MGRN1: variants seen among roughly 807,000 people sequenced by gnomAD.
MGRN1 encodes the protein mahogunin ring finger 1.
In MGRN1, 29 loss-of-function variants were observed where a neutral mutation model predicts 69.2. The ratio of observed to expected loss-of-function variants is 0.42; its 90% confidence interval spans 0.31 to 0.57. The LOEUF (loss-of-function observed/expected upper bound fraction) is 0.57. Among genes scored for constraint, MGRN1 ranks in the 20% least tolerant of loss-of-function variants. MGRN1 has a pLI of 0.15. For synonymous variants in MGRN1, 470 were observed against 344.2 expected (o/e 1.37, Z -4.04); for missense variants, 998 against 796.2 (o/e 1.25, Z -3.05).
intron 11 of MGRN1, 90 bp downstream of exon 11, chr16:4,677,662 C>T: frequency 4.0e-6 from 5 of 1,245,136 alleles, no homozygotes; most frequent in Admixed American, 3.9e-5. Context: ...AGCCAGCAGC[C>T]CCGTGTTCTC....
Position 4,677,534 on chromosome 16 carries a change from C to T in MGRN1, c.1027C>T (p.Pro343Ser), listed in dbSNP as rs889903311. 2.5e-6 allele frequency: 4 copies of T among 1,599,682 alleles called. No individual in the cohort carries two copies. The Admixed American group carries it at 5.0e-5, about 20-fold the overall frequency. ...AGCCCTGTCCCCCGTGTCCTTCAGC[C>T]CCGTCCTGGCCCAGAGCCTGGAGCA... ...PGALSPVSFS[P>S]VLAQSLEHDE... is the part of the protein sequence containing the mutation. Residue 343 changes from proline to serine, a missense_variant, in exon 11 of 17, where the codon CCC becomes TCC. Transcript: ENST00000262370.
chr16:4,670,810 C>G (rs2141944868), intron 8 of MGRN1, among the ~76,000 whole-genome samples: 1 of 152,364 alleles, frequency 6.6e-6, no homozygotes, highest in Non-Finnish European at 1.5e-5. Flanking sequence ...GTTGAGAGAG[C>G]TGACCAGCAG....
intron 5 of MGRN1, among the ~76,000 whole-genome samples, chr16:4,661,143 ATTTT>A (rs112367751): frequency 2.1e-5 from 3 of 145,008 alleles, no homozygotes; most frequent in African/African-American, 5.1e-5. Context: ...CTACTGGCTG[ATTTT>A]TTTTTTTTTT....
At chr16:4,661,431 G>C (rs992835120) in intron 5 of MGRN1, among the ~76,000 whole-genome samples, 1 of 152,228 alleles carries the variant, frequency 6.6e-6, no homozygotes, top group Non-Finnish European at 1.5e-5. Context: ...TGGACACACA[G>C]GGCTTCAGGG....
intron 1 of MGRN1, among the ~76,000 whole-genome samples, chr16:4,637,313 C>T (rs1321077705): frequency 6.6e-6 from 1 of 151,642 alleles, no homozygotes; most frequent in African/African-American, 2.4e-5. Context: ...GCCTGTAATC[C>T]TAGCTCCTGG....
rs571878270 is a variant in MGRN1 at position 4,664,499 on chromosome 16, G to A, written c.562-210G>A. The stretch of plus-strand genomic sequence containing the variant: ...AACGCTGTTGAAACGTAGTTAAAAT[G>A]GCAGATTTTGTGTTGTATCTGTTTT... On this transcript the variant is annotated intron_variant, in intron 5 of 16. Coordinates refer to ENST00000262370, the MANE Select transcript of MGRN1 (RefSeq NM_015246.4). 1.8e-5 allele frequency: 11 copies of A among 597,206 alleles called. 1 individual carries two copies. Among genetic ancestry groups the A allele is most frequent in the South Asian group, 1.8e-4 (9 of 49,658 alleles). 37.0% of individuals were successfully genotyped at this position (597,206 alleles called of 1,614,324 possible). A position where few individuals can be genotyped will look rare whatever the true frequency, so the allele number is the denominator to read the frequency against.
intron 9 of MGRN1, 140 bp from the exon 10 acceptor site, chr16:4,673,358 T>TC: frequency 8.7e-7 from 1 of 1,146,912 alleles, no homozygotes; most frequent in Non-Finnish European, 1.2e-6. Context: ...TGGGGCAACC[T>TC]CCCCCTCCCC....
At chr16:4,661,844 T>G (rs545951369) in intron 5 of MGRN1, among the ~76,000 whole-genome samples, 12 of 152,374 alleles carry the variant, frequency 7.9e-5, no homozygotes, top group African/African-American at 2.6e-4. Context: ...GTTCAGCAGA[T>G]GGCTGCCTGC....
At chr16:4,646,678 G>A (rs1404916832) in intron 1 of MGRN1, among the ~76,000 whole-genome samples, 10 of 152,204 alleles carry the variant, frequency 6.6e-5, no homozygotes, top group Admixed American at 4.6e-4. Context: ...GCGGTCACCT[G>A]GTCAGCCCTG....
chr16:4,682,778 TGTC>T, intron 13 of MGRN1, 42 bp from the exon 14 acceptor site: 2 of 1,477,908 alleles, frequency 1.4e-6, no homozygotes, highest in South Asian at 2.8e-5. Context: ...TAGCCTTCCT[TGTC>T]GTTATCCTCT....
At chr16:4,627,515 C>A (rs866451443) in intron 1 of MGRN1, among the ~76,000 whole-genome samples, 1 of 152,244 alleles carries the variant, frequency 6.6e-6, no homozygotes, top group African/African-American at 2.4e-5. Context: ...TGGCCAGGCG[C>A]GGTGGCTCAC....
intron 12 of MGRN1, chr16:4,680,421 G>GT (rs1480589580): frequency 1.1e-4 from 36 of 314,150 alleles, no homozygotes; most frequent in African/African-American, 7.4e-4. Flanking sequence ...TCGCTGCTGC[G>GT]TTTTGCAATC....
chr16:4,661,624 C>T (rs1008428954), intron 5 of MGRN1, among the ~76,000 whole-genome samples: 1 of 152,260 alleles, frequency 6.6e-6, no homozygotes, highest in Non-Finnish European at 1.5e-5. Flanking sequence ...CAGTGCCCTG[C>T]CAGCTCCTGG....
Position 4,677,500 on chromosome 16 carries a change from G to A in MGRN1, c.993G>A (p.Lys331=). The change falls in exon 11 of 17, where the codon AAG becomes AAA. Residue 331 remains lysine, a synonymous_variant. Transcript: ENST00000262370. ...RALLQIRAVR[K]KPGALSPVSF... Reference sequence around the variant, plus strand: ...TCCTGCAGATCCGGGCGGTGCGGAAGAAGCCAGGAGCCCTGTCCCCCGTGT... The same window carrying A: ...TCCTGCAGATCCGGGCGGTGCGGAAAAAGCCAGGAGCCCTGTCCCCCGTGT... The A allele has an allele frequency of 6.3e-7, 1 of 1,592,854 alleles. No homozygotes were observed. The highest frequency in any genetic ancestry group is 2.3e-5 in the East Asian group (1 of 44,380).
intron 5 of MGRN1, among the ~76,000 whole-genome samples, chr16:4,659,532 GC>G (rs2078628597): frequency 6.6e-6 from 1 of 152,198 alleles, no homozygotes; most frequent in Non-Finnish European, 1.5e-5. Context: ...GAATCACGAT[GC>G]CCCCAGTTGT....
At chr16:4,671,938 C>G (rs1452471830) in intron 9 of MGRN1, among the ~76,000 whole-genome samples, 1 of 152,218 alleles carries the variant, frequency 6.6e-6, no homozygotes, top group African/African-American at 2.4e-5. Flanking sequence ...GTCAGTCTCA[C>G]TCTGCTGCTC....
chr16:4,668,713 C>T (rs995637135), intron 8 of MGRN1, among the ~76,000 whole-genome samples: 1 of 137,060 alleles, frequency 7.3e-6, no homozygotes, highest in Non-Finnish European at 1.5e-5. Flanking sequence ...TACACTCACA[C>T]TCACTCACAT....
In MGRN1 at chr16:4,625,041, G is replaced by A; in HGVS notation, c.81G>A (p.Pro27=). 4 of 1,546,606 alleles carry A rather than the reference G, an allele frequency of 2.6e-6. No homozygotes were observed. The highest frequency in any genetic ancestry group is 2.7e-5 in the East Asian group (1 of 36,764). ...CGAACTCGGCCTATCGCTACCCTCC[G>A]AAGTCCGGTGAGCGCCCGGCCCCAG... ...IQANSAYRYP[P]KSGNYFASHF... is the part of the protein sequence containing the mutation. The change falls in exon 1 of 17, where the codon CCG becomes CCA. Residue 27 remains proline, a synonymous_variant. Transcript: ENST00000262370.
intron 1 of MGRN1, among the ~76,000 whole-genome samples, chr16:4,640,812 G>A (rs2078140315): frequency 6.6e-6 from 1 of 152,242 alleles, no homozygotes; most frequent in African/African-American, 2.4e-5. Flanking sequence ...CCGGCTGCAG[G>A]AGGGGAGGTG....
Sources: gnomAD v4.1 joint callset for allele counts (sites outside exome capture counted in the v4.1 genomes callset) on GRCh38, gnomAD v4.1.1 for gene constraint, MANE v1.5 for transcripts, NCBI Gene and HGNC (gene_info 2026-07-23, HGNC 2026-07-21) for gene names.